EHBP1L1: variants seen among roughly 807,000 people sequenced by gnomAD.
EHBP1L1 encodes EH domain binding protein 1 like 1.
A neutral mutation model predicts 151.1 loss-of-function variants in EHBP1L1; 122 were observed. The observed-to-expected ratio is 0.81, with a 90% CI of 0.70 to 0.94. The LOEUF (loss-of-function observed/expected upper bound fraction) is 0.94, where lower values mean the gene tolerates loss of function less well. Ranked by LOEUF, EHBP1L1 falls within the 40% of genes least tolerant of loss-of-function variation. The pLI, the probability that EHBP1L1 is intolerant of heterozygous loss-of-function variation, is 0.00. For synonymous variants in EHBP1L1, 878 were observed against 810.1 expected (o/e 1.08, Z -1.42); for missense variants, 1,941 against 1,959.8 (o/e 0.99, Z 0.18).
chr11:65,590,672 T>C (rs1393619126), intron 16 of EHBP1L1, 80 bp downstream of exon 16: 2 of 1,210,056 alleles, frequency 1.7e-6, no homozygotes, highest in Admixed American at 1.9e-5. Context: ...TTCTTATTCC[T>C]ACAGAGATCT....
At chr11:65,580,603 ACCAAC>A in intron 6 of EHBP1L1, 124 bp downstream of exon 6, 1 of 1,298,318 alleles carries the variant, frequency 7.7e-7, no homozygotes, top group Non-Finnish European at 1.0e-6. Context: ...GGCAGTCCCA[ACCAAC>A]CCAGCAGCCT....
At position 65,581,337 on chromosome 11, in the gene EHBP1L1, A is replaced by G; in HGVS notation, c.830A>G (p.Glu277Gly). 1 of 1,589,404 alleles carries G rather than the reference A, an allele frequency of 6.3e-7. No homozygotes were observed. Among genetic ancestry groups the G allele is most frequent in the Non-Finnish European group, 8.5e-7 (1 of 1,171,048 alleles). ...GAAGCGGGGGGCCAGGTAGGCCCTGAGGCCCCAAGGCCCCCGGAAACCTCA... is the reference window on the plus strand; with the variant it reads ...GAAGCGGGGGGCCAGGTAGGCCCTGGGGCCCCAAGGCCCCCGGAAACCTCA... ...ANEAGGQVGP[E>G]APRPPETSPE... The change falls in exon 8 of 19, where the codon GAG becomes GGG. Residue 277 changes from glutamate to glycine, a missense_variant. Coordinates refer to ENST00000309295, the MANE Select transcript of EHBP1L1 (RefSeq NM_001099409.3).
Position 65,584,467 on chromosome 11 carries a change from A to T in EHBP1L1, c.3252-19A>T. 1 of 1,613,420 alleles carries T rather than the reference A, an allele frequency of 6.2e-7. No individual in the cohort carries two copies. The highest frequency in any genetic ancestry group is 8.5e-7 in the Non-Finnish European group (1 of 1,179,782). On this transcript the variant is annotated intron_variant, in intron 10 of 18. Coordinates refer to ENST00000309295, the MANE Select transcript of EHBP1L1 (RefSeq NM_001099409.3). Reference sequence around the variant, plus strand: ...GAGGGCAGTGTGGACCCAGCCTCTGACCAGCACACTCTCTGCAGTGACTAT... The same window carrying T: ...GAGGGCAGTGTGGACCCAGCCTCTGTCCAGCACACTCTCTGCAGTGACTAT...
At chr11:65,584,165 A>C in intron 9 of EHBP1L1, 76 bp from the exon 10 acceptor site, 1 of 1,553,774 alleles carries the variant, frequency 6.4e-7, no homozygotes, top group Admixed American at 2.1e-5. Flanking sequence ...GTTGTGTGCC[A>C]GGCATGAGCT....
chr11:65,582,808 A>G lies in EHBP1L1; in HGVS notation c.2136A>G (p.Pro712=). 6.2e-7 allele frequency: 1 copy of G among 1,613,646 alleles called. No homozygotes were observed. The highest frequency in any genetic ancestry group is 1.1e-5 in the South Asian group (1 of 91,086). ...QETEVEASRV[P]ESEAEGTEAK... is the part of the protein sequence containing the mutation. Reference sequence around the variant, plus strand: ...CAGAGGTGGAAGCTTCTAGGGTACCAGAGTCAGAGGCTGAGGGGACAGAAG... The same window carrying G: ...CAGAGGTGGAAGCTTCTAGGGTACCGGAGTCAGAGGCTGAGGGGACAGAAG... The change falls in exon 9 of 19, where the codon CCA becomes CCG. Residue 712 remains proline (P), a synonymous_variant. Coordinates refer to ENST00000309295, the MANE Select transcript of EHBP1L1 (RefSeq NM_001099409.3).
At position 65,585,486 on chromosome 11, in the gene EHBP1L1, C is replaced by T. The variant is rs1319833136; in HGVS notation, c.3828C>T (p.His1276=). ...CCCGCGCGCACGGCTCCTTCTCCCA[C>T]GTGCGCGACGCGGACCTGCTCAAGA... ...PPPRAHGSFS[H]VRDADLLKKR... is the part of the protein sequence containing the mutation. The change falls in exon 12 of 19, where the codon CAC becomes CAT. Residue 1276 remains histidine (H), a synonymous_variant. Transcript: ENST00000309295. The surrounding 1 kb of genome is among the most constrained non-coding windows in gnomAD (Gnocchi z 4.0). The T allele has an allele frequency of 3.2e-6, 5 of 1,543,558 alleles. No homozygotes were observed. Among genetic ancestry groups the T allele is most frequent in the Non-Finnish European group, 3.5e-6 (4 of 1,150,810 alleles).
chr11:65,584,757 G>A lies in EHBP1L1; in HGVS notation c.3301-202G>A, dbSNP rs1590827357. ...ATGGTTTTTCCAAAACCACCCTTTGGTAACGGGGTGGACGGTGTGCCGTTG... is the reference window on the plus strand; with the variant it reads ...ATGGTTTTTCCAAAACCACCCTTTGATAACGGGGTGGACGGTGTGCCGTTG... On this transcript the variant is annotated intron_variant, in intron 11 of 18. Coordinates refer to ENST00000309295, the MANE Select transcript of EHBP1L1 (RefSeq NM_001099409.3). The A allele has an allele frequency of 5.2e-6, 5 of 956,678 alleles. No homozygotes were observed. In the Admixed American group the frequency reaches 1.3e-4, roughly 25 times the overall value. 59.3% of individuals were successfully genotyped at this position (956,678 alleles called of 1,614,324 possible).
chr11:65,581,465 CT>C, intron 8 of EHBP1L1, 73 bp from the exon 9 acceptor site: 1 of 1,424,124 alleles, frequency 7.0e-7, no homozygotes, highest in Non-Finnish European at 9.4e-7. Context: ...CCCCAACAGT[CT>C]GAAGGGTGGC....
intron 12 of EHBP1L1, among the ~76,000 whole-genome samples, chr11:65,586,339 A>G (rs946775289): frequency 1.3e-5 from 2 of 152,204 alleles, no homozygotes; most frequent in Non-Finnish European, 2.9e-5. Flanking sequence ...CGGGCTTTCC[A>G]GCTGGAGTCC....
intron 15 of EHBP1L1, 112 bp downstream of exon 15, chr11:65,590,322 C>T (rs1251492146): frequency 3.9e-6 from 6 of 1,533,956 alleles, no homozygotes; most frequent in African/African-American, 1.4e-5. Context: ...CTGGCATCAG[C>T]GTTCCCATTT....
chr11:65,582,011 C>G lies in EHBP1L1; in HGVS notation c.1339C>G (p.Pro447Ala). ...TKGPEATGVM[P>A]EARCRGTPEA... ...GGGACCAGAGGCGACAGGGGTGATG[C>G]CTGAGGCAAGATGCAGGGGGACCCC... The change falls in exon 9 of 19, where the codon CCT (proline) becomes GCT (alanine). Residue 447 changes from proline to alanine, a missense_variant. Coordinates refer to ENST00000309295, the MANE Select transcript of EHBP1L1 (RefSeq NM_001099409.3). 2 of 1,613,674 alleles carry G rather than the reference C, an allele frequency of 1.2e-6. No individual in the cohort carries two copies. The highest frequency in any genetic ancestry group is 1.7e-6 in the Non-Finnish European group (2 of 1,179,822).
intron 12 of EHBP1L1, among the ~76,000 whole-genome samples, chr11:65,586,710 G>A (rs757329742): frequency 6.6e-6 from 1 of 152,238 alleles, no homozygotes; most frequent in East Asian, 1.9e-4. Context: ...TTGAGCCTGT[G>A]AGTGAGAGAC....
rs1173522169 is a variant in EHBP1L1 at position 65,581,062 on chromosome 11, C to T, written c.639C>T (p.Pro213=). Residue 213 remains proline, a synonymous_variant, in exon 7 of 19, where the codon CCC becomes CCT. Coordinates refer to ENST00000309295, the MANE Select transcript of EHBP1L1 (RefSeq NM_001099409.3). ...EARARVPQPD[P]SRELKTLCEE... ...CCCCTCTCCTACCATTCCCAGATCC[C>T]TCTCGAGAGCTGAAGACGCTTTGTG... 9.3e-6 allele frequency: 15 copies of T among 1,608,552 alleles called. No individual in the cohort carries two copies. In the Admixed American group the frequency reaches 2.2e-4, roughly 24 times the overall value.
At chr11:65,588,326 T>C (rs1415852244) in intron 12 of EHBP1L1, among the ~76,000 whole-genome samples, 1 of 152,090 alleles carries the variant, frequency 6.6e-6, no homozygotes, top group African/African-American at 2.4e-5. Flanking sequence ...GGGCGGTGTC[T>C]AGGCGTGGCT....
At chr11:65,587,568 C>T (rs140255984) in intron 12 of EHBP1L1, among the ~76,000 whole-genome samples, 2 of 152,320 alleles carry the variant, frequency 1.3e-5, no homozygotes, top group Non-Finnish European at 2.9e-5. Context: ...AAGCATTTTG[C>T]AAGGTGGCAT....
Position 65,585,302 on chromosome 11 carries a change from GCCGCGCCTCCAAGGA to G in EHBP1L1, c.3646_3660del (p.Arg1216_Asp1220del). ...GTGGCCTCCAGGAACGCGGTCGCGGGCCGCGCCTCCAAGGACGGCGGGGCCGAGGCCCCCCGAGAG... is the reference window on the plus strand; with the variant it reads ...GTGGCCTCCAGGAACGCGGTCGCGGGCGGCGGGGCCGAGGCCCCCCGAGAG... On this transcript the variant is annotated inframe_deletion, in exon 12 of 19. Transcript: ENST00000309295. The surrounding 1 kb of genome is among the most constrained non-coding windows in gnomAD (Gnocchi z 4.0). 1 of 1,075,942 alleles carries G rather than the reference GCCGCGCCTCCAAGGA, an allele frequency of 9.3e-7. No homozygotes were observed. The highest frequency in any genetic ancestry group is 1.1e-6 in the Non-Finnish European group (1 of 888,332). The allele number at this position is 1,075,942 out of a possible 1,614,324, so 66.6% of individuals were successfully genotyped here.
At position 65,590,530 on chromosome 11, in the gene EHBP1L1, G is replaced by C. The variant is rs780583201; in HGVS notation, c.4221G>C (p.Glu1407Asp). 1.8e-5 allele frequency: 29 copies of C among 1,613,510 alleles called. No individual in the cohort carries two copies. Among genetic ancestry groups the C allele is most frequent in the Non-Finnish European group, 1.0e-5 (12 of 1,179,830 alleles). Residue 1407 changes from glutamate to aspartate, a missense_variant, in exon 16 of 19, where the codon GAG (glutamate) becomes GAC (aspartate). By Grantham distance (45) the Glu-to-Asp change is conservative. Transcript: ENST00000309295. ...NKLQEEVLIQ[E>D]WFTLVNKKNA... ...TGCAGGAGGAGGTGCTGATCCAGGA[G>C]TGGTTCACCCTGGTCAACAAGAAGA...
intron 13 of EHBP1L1, 55 bp downstream of exon 13, chr11:65,589,875 T>G: frequency 6.5e-7 from 1 of 1,537,780 alleles, no homozygotes; most frequent in Non-Finnish European, 8.8e-7. Context: ...AAGCCTGGAC[T>G]GGGGACTTCC....
Position 65,584,540 on chromosome 11 carries a change from A to G in EHBP1L1, c.3300+6A>G, listed in dbSNP as rs369106000. The G allele has an allele frequency of 4.5e-5, 72 of 1,610,402 alleles. No homozygotes were observed. Among genetic ancestry groups the G allele is most frequent in the African/African-American group, 3.6e-4 (27 of 74,870 alleles). On this transcript the variant is annotated splice_donor_region_variant and intron_variant, in intron 11 of 18. Transcript: ENST00000309295. ...TCAAGCAGAACAACAAGCAGGTGAG[A>G]TGGGGTGGGGGACTGCCTGGAGGGA...
Sources: gnomAD v4.1 joint callset for allele counts (sites outside exome capture counted in the v4.1 genomes callset) on GRCh38, gnomAD v4.1.1 for gene constraint, Gnocchi (gnomAD v3.1) non-coding constraint, MANE v1.5 for transcripts, NCBI Gene and HGNC (gene_info 2026-07-23, HGNC 2026-07-21) for gene names.